Variants in TNR observed in about 807,000 individuals in gnomAD.
TNR encodes tenascin R.
In TNR, 45 loss-of-function variants were observed where a neutral mutation model predicts 150.4. The ratio of observed to expected loss-of-function variants is 0.30; its 90% CI spans 0.24 to 0.38. TNR has a LOEUF of 0.38. Among genes scored for constraint, TNR ranks in the 10% least tolerant of loss-of-function variants. The pLI, the probability that TNR is intolerant of heterozygous loss-of-function variation, is 1.00. For missense variants in TNR, 1,544 were observed against 1,759.1 expected (o/e 0.88, Z 2.19); for synonymous variants, 687 against 678.4 (o/e 1.01, Z -0.20).
chr1:175,709,955 G>C lies in TNR; in HGVS notation c.-165+33271C>G, dbSNP rs573474483. On this transcript the variant is annotated intron_variant, in intron 1 of 22. Coordinates refer to ENST00000367674, the MANE Select transcript of TNR (RefSeq NM_003285.3). ...TGAGGATGAGACAGATGTGGGTCAAGATTACAGTGGCAAGGCTTCGAAGCC... is the reference window on the plus strand; with the variant it reads ...TGAGGATGAGACAGATGTGGGTCAACATTACAGTGGCAAGGCTTCGAAGCC... Among the ~76,000 whole-genome samples the C allele has an allele frequency of 6.5e-4, 99 of 152,198 alleles. 1 individual carries two copies. The highest frequency in any genetic ancestry group is 1.8e-3 in the Admixed American group (27 of 15,288).
In TNR at chr1:175,320,697, CGTGTGTGT is replaced by C. The variant is rs3030868; in HGVS notation, c.*2652_*2659del. On this transcript the variant is annotated 3_prime_UTR_variant, in exon 23 of 23. Coordinates refer to ENST00000367674, the MANE Select transcript of TNR (RefSeq NM_003285.3). ...GGCATGATCTTTTCTGCAGTATTTT[CGTGTGTGT>C]GTGTGTGTGTGTGTGTGTGTTTTAC... 3.4e-5 allele frequency: 5 copies of C among 146,320 alleles called. No individual in the cohort carries two copies. The highest frequency in any genetic ancestry group is 1.0e-4 in the African/African-American group (4 of 39,102). 9.1% of individuals were successfully genotyped at this position (146,320 alleles called of 1,614,324 possible).
chr1:175,392,302 G>T (rs1036224903), intron 6 of TNR, among the ~76,000 whole-genome samples: 4 of 152,128 alleles, frequency 2.6e-5, no homozygotes, highest in Middle Eastern at 3.4e-3. Context: ...CTATTCTTTG[G>T]CCTCTATTTA....
chr1:175,724,177 T>C (rs953143012), intron 1 of TNR, among the ~76,000 whole-genome samples: 7 of 152,190 alleles, frequency 4.6e-5, no homozygotes, highest in African/African-American at 1.7e-4. Context: ...CACCTGAGAC[T>C]GGGTAATTTA....
intron 9 of TNR, among the ~76,000 whole-genome samples, chr1:175,378,302 C>CTTCA (rs71299425): frequency 0.088 from 13,356 of 151,180 alleles, 691 homozygotes; most frequent in Middle Eastern, 0.17. Context: ...ACTTCTGCAG[C>CTTCA]TTCATTCATT....
intron 1 of TNR, among the ~76,000 whole-genome samples, chr1:175,581,233 A>G (rs185389770): frequency 6.6e-6 from 1 of 152,298 alleles, no homozygotes; most frequent in East Asian, 1.9e-4. Context: ...GTGTCTACCC[A>G]GTGTCTTTTC....
intron 1 of TNR, among the ~76,000 whole-genome samples, chr1:175,571,285 GC>G (rs1350503218): frequency 1.3e-5 from 2 of 152,054 alleles, no homozygotes; most frequent in Non-Finnish European, 2.9e-5. Context: ...CCTTTTTAAA[GC>G]CCCATCTTCT....
rs138107598 is a variant in TNR at position 175,385,715 on chromosome 1, C to T, written c.1777+317G>A. ...TCCATTTGGACTAGCGATATGGATGCTTACATGTGTTCAAGGCAAACTTGT... is the reference window on the plus strand; with the variant it reads ...TCCATTTGGACTAGCGATATGGATGTTTACATGTGTTCAAGGCAAACTTGT... On this transcript the variant is annotated intron_variant, in intron 8 of 22. Coordinates refer to ENST00000367674, the MANE Select transcript of TNR (RefSeq NM_003285.3). Among the ~76,000 whole-genome samples, 139 of 152,312 alleles carry T rather than the reference C, an allele frequency of 9.1e-4. 1 individual carries two copies. Among genetic ancestry groups the T allele is most frequent in the African/African-American group, 3.1e-3 (130 of 41,566 alleles).
At chr1:175,696,545 C>T (rs1666532018) in intron 1 of TNR, among the ~76,000 whole-genome samples, 1 of 152,152 alleles carries the variant, frequency 6.6e-6, no homozygotes, top group South Asian at 2.1e-4. Context: ...CAAGTACAGA[C>T]AATAATACAT....
At chr1:175,466,971 A>G (rs1571481667) in intron 2 of TNR, among the ~76,000 whole-genome samples, 2 of 152,120 alleles carry the variant, frequency 1.3e-5, no homozygotes, top group Admixed American at 1.3e-4. Flanking sequence ...CAGAGGTGGG[A>G]GAAATGGGAC....
intron 2 of TNR, among the ~76,000 whole-genome samples, chr1:175,419,399 A>T (rs1654650254): frequency 6.6e-6 from 1 of 152,198 alleles, no homozygotes; most frequent in African/African-American, 2.4e-5. Flanking sequence ...GTTGATAAAC[A>T]GAGCACGTTT....
intron 2 of TNR, among the ~76,000 whole-genome samples, chr1:175,459,683 G>A (rs1417224089): frequency 6.6e-6 from 1 of 152,174 alleles, no homozygotes; most frequent in Non-Finnish European, 1.5e-5. Context: ...AGCAGTGGTG[G>A]CCATGGAGAG....
intron 1 of TNR, among the ~76,000 whole-genome samples, chr1:175,607,342 C>A (rs1663442242): frequency 6.6e-6 from 1 of 152,308 alleles, no homozygotes; most frequent in African/African-American, 2.4e-5. Flanking sequence ...CCTGGCACTA[C>A]AGTCCTGCTA....
chr1:175,714,391 A>T (rs979709480), intron 1 of TNR, among the ~76,000 whole-genome samples: 1 of 152,166 alleles, frequency 6.6e-6, no homozygotes, highest in Non-Finnish European at 1.5e-5. Flanking sequence ...AAGCAGCAGC[A>T]AAACAAGACA....
At chr1:175,396,356 CT>C (rs1653424096) in intron 5 of TNR, among the ~76,000 whole-genome samples, 187 bp downstream of exon 5, 1 of 152,214 alleles carries the variant, frequency 6.6e-6, no homozygotes, top group Admixed American at 6.5e-5. Flanking sequence ...TGGAAACTCT[CT>C]TAATCGAAAG....
chr1:175,705,533 C>G (rs1666825541), intron 1 of TNR, among the ~76,000 whole-genome samples: 1 of 151,890 alleles, frequency 6.6e-6, no homozygotes, highest in Admixed American at 6.6e-5. Flanking sequence ...CAGCATAAGA[C>G]AAAAATAGAT....
At position 175,657,883 on chromosome 1, in the gene TNR, A is replaced by ATATATATATGTGTG. The variant is rs1464419575; in HGVS notation, c.-165+85342_-165+85343insCACACATATATATA. Among the ~76,000 whole-genome samples the ATATATATATGTGTG allele has an allele frequency of 1.2e-4, 12 of 101,142 alleles. No individual in the cohort carries two copies. The East Asian group carries it at 1.7e-3, about 14-fold the overall frequency. The allele number at this position is 101,142 out of a possible 152,430, so 66.4% of individuals were successfully genotyped here. A position where few individuals can be genotyped will look rare whatever the true frequency, so the allele number is the denominator to read the frequency against. The stretch of plus-strand genomic sequence containing the variant: ...TATATATATATATATATATATATAT[A>ATATATATATGTGTG]TGTAACAAACCTGCACGTTGTGCAC... On this transcript the variant is annotated intron_variant, in intron 1 of 22. Transcript: ENST00000367674.
At chr1:175,610,614 T>C (rs1443711751) in intron 1 of TNR, among the ~76,000 whole-genome samples, 1 of 152,198 alleles carries the variant, frequency 6.6e-6, no homozygotes, top group Non-Finnish European at 1.5e-5. Context: ...TCCCCACACC[T>C]GGTTCTTTCC....
chr1:175,733,149 A>G (rs1327139178), intron 1 of TNR, among the ~76,000 whole-genome samples: 3 of 152,250 alleles, frequency 2.0e-5, no homozygotes, highest in African/African-American at 7.2e-5. Context: ...CCACTGGCAA[A>G]TAATCTCTTT....
intron 1 of TNR, among the ~76,000 whole-genome samples, chr1:175,584,548 C>T (rs1025964173): frequency 8.5e-5 from 13 of 152,110 alleles, no homozygotes; most frequent in African/African-American, 2.9e-4. Flanking sequence ...ATATAGGTGG[C>T]CTGCAAGGTT....
Sources: allele counts gnomAD v4.1 joint callset (sites outside exome capture counted in the v4.1 genomes callset), GRCh38; gene constraint gnomAD v4.1.1; transcripts MANE v1.5; gene names NCBI Gene and HGNC (gene_info 2026-07-23, HGNC 2026-07-21).